The following FRMD4A variants were observed in gnomAD, a reference collection of about 807,000 sequenced individuals.
FRMD4A encodes the protein FERM domain containing 4A, also known as FERM domain-containing protein 4A.
Under a neutral mutation model 129.1 loss-of-function variants are expected in FRMD4A, and 29 were observed. That is an observed-to-expected ratio of 0.22 (90% CI 0.17 to 0.31). The LOEUF is 0.31. Ranked by LOEUF, FRMD4A falls within the 10% of genes least tolerant of loss-of-function variation. The probability of loss-of-function intolerance (pLI) is 1.00; values close to 1 mark genes in which losing one functional copy is unlikely to be tolerated. For synonymous variants in FRMD4A, 634 were observed against 571.6 expected (o/e 1.11, Z -1.56); for missense variants, 1,272 against 1,375.8 (o/e 0.92, Z 1.19).
chr10:14,278,498 A>G (rs1354647703), intron 2 of FRMD4A, among the ~76,000 whole-genome samples: 1 of 152,234 alleles, frequency 6.6e-6, no homozygotes, highest in African/African-American at 2.4e-5. Context: ...CCACATCCCC[A>G]GAAGTCTTCC....
At chr10:14,072,573 G>A (rs993651831) in intron 2 of FRMD4A, among the ~76,000 whole-genome samples, 1 of 152,186 alleles carries the variant, frequency 6.6e-6, no homozygotes, top group African/African-American at 2.4e-5. Flanking sequence ...ATCCAGAACT[G>A]TGATGCATGC....
intron 2 of FRMD4A, among the ~76,000 whole-genome samples, chr10:14,187,199 C>G (rs76680378): frequency 0.043 from 6,512 of 151,926 alleles, 230 homozygotes; most frequent in Non-Finnish European, 0.067. Context: ...TTCCTTATAA[C>G]AAGAAACAGC....
Position 13,865,649 on chromosome 10 carries a change from C to T in FRMD4A, c.46-6737G>A, listed in dbSNP as rs567996956. Among the ~76,000 whole-genome samples the T allele has an allele frequency of 7.8e-4, 119 of 151,794 alleles. 1 individual carries two copies. The South Asian group carries it at 0.024, about 31-fold the overall frequency. ...TTATTTTTTGTAGAGACACGTCTCACTATGTAAATTCTTGGACTCCAGTGA... is the reference window on the plus strand; with the variant it reads ...TTATTTTTTGTAGAGACACGTCTCATTATGTAAATTCTTGGACTCCAGTGA... On this transcript the variant is annotated intron_variant, in intron 2 of 24. Transcript: ENST00000357447.
In FRMD4A at chr10:13,746,967, G is replaced by T. The variant is rs548448048; in HGVS notation, c.548+769C>A. ...TAATGTTACATAGTGGCTAAATCAGGAGATGTGAAACATCGAGGGAAAATA... is the reference window on the plus strand; with the variant it reads ...TAATGTTACATAGTGGCTAAATCAGTAGATGTGAAACATCGAGGGAAAATA... On this transcript the variant is annotated intron_variant, in intron 9 of 24. Coordinates refer to ENST00000357447, the MANE Select transcript of FRMD4A (RefSeq NM_018027.5). 2.0e-5 allele frequency among the ~76,000 whole-genome samples: 3 copies of T among 152,198 alleles called. No homozygotes were observed. In the East Asian group the frequency reaches 5.8e-4, roughly 29 times the overall value.
chr10:13,713,179 A>AG (rs2088217442), intron 12 of FRMD4A, among the ~76,000 whole-genome samples: 1 of 152,188 alleles, frequency 6.6e-6, no homozygotes, highest in Non-Finnish European at 1.5e-5. Context: ...TGTTTCATCC[A>AG]GGGGGGCTAT....
chr10:14,297,831 G>A (rs1187042736), intron 2 of FRMD4A, among the ~76,000 whole-genome samples: 1 of 152,188 alleles, frequency 6.6e-6, no homozygotes, highest in East Asian at 1.9e-4. Flanking sequence ...ATGGTGACTG[G>A]AGACTATATA....
intron 3 of FRMD4A, among the ~76,000 whole-genome samples, chr10:13,846,831 C>A (rs2094054325): frequency 6.6e-6 from 1 of 152,044 alleles, no homozygotes; most frequent in Admixed American, 6.5e-5. Flanking sequence ...CATGAAGGAG[C>A]CTGGAAGGAT....
At chr10:14,113,382 A>G (rs1265883984) in intron 2 of FRMD4A, among the ~76,000 whole-genome samples, 6 of 152,156 alleles carry the variant, frequency 3.9e-5, no homozygotes, top group Non-Finnish European at 8.8e-5. Flanking sequence ...AATGAGTAGA[A>G]AATATATTTT....
At chr10:13,666,068 G>A (rs376499831) in intron 18 of FRMD4A, 29 bp downstream of exon 18, 350 of 1,391,012 alleles carry the variant, frequency 2.5e-4, no homozygotes, top group Non-Finnish European at 3.4e-4. Flanking sequence ...GCGTGGGAGT[G>A]GGGTGGGGGC....
At position 13,955,112 on chromosome 10, in the gene FRMD4A, CT is replaced by C. The variant is rs71388139; in HGVS notation, c.46-96201del. On this transcript the variant is annotated intron_variant, in intron 2 of 24. Coordinates refer to ENST00000357447, the MANE Select transcript of FRMD4A (RefSeq NM_018027.5). ...TTCCAACCCCATGTTAATAATTCTG[CT>C]TTTTTTTTTTTTGAGACGGAGTATC... Among the ~76,000 whole-genome samples, 83 of 102,902 alleles carry C rather than the reference CT, an allele frequency of 8.1e-4. 1 individual carries two copies. The highest frequency in any genetic ancestry group is 8.4e-4 in the Non-Finnish European group (46 of 55,088). The allele number at this position is 102,902 out of a possible 152,430, so 67.5% of individuals were successfully genotyped here.
chr10:13,660,628 C>T, intron 19 of FRMD4A, 75 bp from the exon 20 acceptor site: 2 of 868,832 alleles, frequency 2.3e-6, no homozygotes, highest in Non-Finnish European at 3.7e-6. Context: ...CCCTACACCC[C>T]TCCACCCGCA....
intron 2 of FRMD4A, among the ~76,000 whole-genome samples, chr10:14,014,041 C>A: frequency 6.6e-6 from 1 of 152,232 alleles, no homozygotes; most frequent in East Asian, 1.9e-4. Flanking sequence ...CAGCCCTGGA[C>A]GGGTGAAGAC....
At chr10:14,114,253 C>T (rs902653282) in intron 2 of FRMD4A, among the ~76,000 whole-genome samples, 8 of 152,156 alleles carry the variant, frequency 5.3e-5, no homozygotes, top group Non-Finnish European at 1.0e-4. Context: ...TGTGAGTAAG[C>T]TCTGGCCTTT....
chr10:14,001,341 G>T (rs963139793), intron 2 of FRMD4A, among the ~76,000 whole-genome samples: 2 of 152,306 alleles, frequency 1.3e-5, no homozygotes, highest in Admixed American at 6.5e-5. Flanking sequence ...GCATGACGAG[G>T]GGACAAGCTA....
chr10:13,750,112 G>GAAAGAAAGAAAGAAAGAAAT (rs1564739405), intron 8 of FRMD4A, among the ~76,000 whole-genome samples: 25 of 74,738 alleles, frequency 3.3e-4, no homozygotes, highest in African/African-American at 9.5e-4. Context: ...AAGAAATGAA[G>GAAAGAAAGAAAGAAAGAAAT]AAAGAAAGAA....
intron 2 of FRMD4A, among the ~76,000 whole-genome samples, chr10:13,948,076 CA>C (rs2095345567): frequency 1.3e-5 from 2 of 150,978 alleles, no homozygotes; most frequent in African/African-American, 2.4e-5. Flanking sequence ...AACACCTTAT[CA>C]GTGTGTTCCA....
chr10:14,211,553 T>C (rs1842934306), intron 2 of FRMD4A, among the ~76,000 whole-genome samples: 3 of 152,098 alleles, frequency 2.0e-5, no homozygotes, highest in East Asian at 3.9e-4. Context: ...AGCCAGTTCC[T>C]ATTTCTCTTA....
At chr10:13,710,329 A>G (rs1233033457) in intron 12 of FRMD4A, 1 of 152,176 alleles carries the variant, frequency 6.6e-6, no homozygotes, top group African/African-American at 2.4e-5. Context: ...CCCCCATTCC[A>G]TGCAAAATAA....
intron 2 of FRMD4A, among the ~76,000 whole-genome samples, chr10:13,952,925 G>A (rs187662237): frequency 6.6e-6 from 1 of 152,098 alleles, no homozygotes; most frequent in East Asian, 1.9e-4. Flanking sequence ...ATAAACTCCT[G>A]ACCTCAGATG....
Sources: gnomAD v4.1 joint callset for allele counts (sites outside exome capture counted in the v4.1 genomes callset) on GRCh38, gnomAD v4.1.1 for gene constraint, MANE v1.5 for transcripts, NCBI Gene and HGNC (gene_info 2026-07-23, HGNC 2026-07-21) for gene names.